Variants in SNX24 observed in about 807,000 individuals in gnomAD.
SNX24 encodes the protein sorting nexin-24.
A neutral mutation model predicts 28.7 loss-of-function variants in SNX24; 22 were observed. That is an observed-to-expected ratio of 0.77 (90% CI 0.55 to 1.10). The LOEUF (loss-of-function observed/expected upper bound fraction) is 1.10, where lower values mean the gene tolerates loss of function less well. SNX24 is among the 50% of genes least tolerant of loss of function. The pLI is 0.00. For missense variants in SNX24, 221 were observed against 201.1 expected (o/e 1.10, Z -0.60); for synonymous variants, 69 against 71.5 (o/e 0.96, Z 0.18).
chr5:122,899,413 TTTTA>T (rs1733155874), intron 1 of SNX24, among the ~76,000 whole-genome samples: 1 of 152,188 alleles, frequency 6.6e-6, no homozygotes, highest in Non-Finnish European at 1.5e-5. Context: ...ATATTTTTAT[TTTTA>T]TTTATTTTTT....
chr5:122,930,624 A>G (rs896593292), intron 1 of SNX24, among the ~76,000 whole-genome samples: 1 of 152,246 alleles, frequency 6.6e-6, no homozygotes, highest in African/African-American at 2.4e-5. Flanking sequence ...CCAGCTTAAG[A>G]AAGTTGGATT....
chr5:122,969,622 ATC>A (rs1422330146), intron 3 of SNX24, among the ~76,000 whole-genome samples: 3 of 152,020 alleles, frequency 2.0e-5, no homozygotes, highest in Admixed American at 2.0e-4. Context: ...TTCTTTTTTT[ATC>A]TCTCATACAC....
At chr5:122,996,590 T>C (rs1170894926) in intron 3 of SNX24, among the ~76,000 whole-genome samples, 1 of 152,196 alleles carries the variant, frequency 6.6e-6, no homozygotes. Context: ...ACAACAACAA[T>C]ACTCAAAGAA....
At chr5:122,899,688 C>A (rs1163070865) in intron 1 of SNX24, among the ~76,000 whole-genome samples, 1 of 152,080 alleles carries the variant, frequency 6.6e-6, no homozygotes, top group Admixed American at 6.5e-5. Flanking sequence ...AAATTACAGG[C>A]GCGAGGCACT....
At chr5:122,918,955 A>G (rs1379206938) in intron 1 of SNX24, among the ~76,000 whole-genome samples, 5 of 152,216 alleles carry the variant, frequency 3.3e-5, no homozygotes, top group Non-Finnish European at 7.3e-5. Flanking sequence ...TATAATCTGT[A>G]TGAAAATTTA....
intron 6 of SNX24, among the ~76,000 whole-genome samples, chr5:123,006,136 C>T (rs1295696067): frequency 4.6e-5 from 7 of 152,190 alleles, no homozygotes; most frequent in East Asian, 1.9e-4. Context: ...AAACAGAGGC[C>T]TCTCAATAAA....
intron 1 of SNX24, among the ~76,000 whole-genome samples, chr5:122,885,261 C>T (rs1756654774): frequency 6.6e-6 from 1 of 152,086 alleles, no homozygotes; most frequent in Non-Finnish European, 1.5e-5. Flanking sequence ...CCTGCCTCTC[C>T]TCCCCAAGCT....
chr5:122,969,529 C>A (rs767618940), intron 3 of SNX24, among the ~76,000 whole-genome samples: 1 of 152,146 alleles, frequency 6.6e-6, no homozygotes, highest in Non-Finnish European at 1.5e-5. Context: ...TATTTCCCGA[C>A]CCTTGCAGGA....
At position 122,999,772 on chromosome 5, in the gene SNX24, A is replaced by G. The variant is rs1288575523; in HGVS notation, c.250-140A>G. ...CCCGAATTCCTGGTGGGCAAAACAG[A>G]GACCACTCCTCATCTTGACTGTGAG... is the stretch of plus-strand genomic sequence containing the variant. On this transcript the variant is annotated intron_variant, in intron 3 of 6. Coordinates refer to ENST00000261369, the MANE Select transcript of SNX24 (RefSeq NM_014035.4). 1.6e-4 allele frequency: 107 copies of G among 667,412 alleles called. 1 individual carries two copies. In the East Asian group the frequency reaches 2.6e-3, roughly 16 times the overall value. The allele number at this position is 667,412 out of a possible 1,614,324, so 41.3% of individuals were successfully genotyped here. A position where few individuals can be genotyped will look rare whatever the true frequency, so the allele number is the denominator to read the frequency against.
At chr5:122,854,714 C>T (rs1363940804) in intron 1 of SNX24, among the ~76,000 whole-genome samples, 1 of 152,058 alleles carries the variant, frequency 6.6e-6, no homozygotes, top group African/African-American at 2.4e-5. Flanking sequence ...GATCACTGCA[C>T]AGGGACATAT....
intron 1 of SNX24, among the ~76,000 whole-genome samples, chr5:122,907,205 A>G (rs1435156468): frequency 6.6e-6 from 1 of 152,194 alleles, no homozygotes; most frequent in African/African-American, 2.4e-5. Context: ...TAAAATGAGT[A>G]TTTCATTTTT....
At chr5:123,014,108 G>T (rs1390807974), downstream of SNX24, among the ~76,000 whole-genome samples, 1 of 152,104 alleles carries the variant, frequency 6.6e-6, no homozygotes, top group East Asian at 1.9e-4. Context: ...CTTGACCAAG[G>T]ATACCAGTTA....
chr5:122,896,857 T>C (rs1461292792), intron 1 of SNX24, among the ~76,000 whole-genome samples: 1 of 152,222 alleles, frequency 6.6e-6, no homozygotes, highest in Non-Finnish European at 1.5e-5. Context: ...GTGACTCCCT[T>C]CAGCCAAACA....
chr5:122,916,625 TG>T (rs1758180330), intron 1 of SNX24, among the ~76,000 whole-genome samples: 1 of 152,346 alleles, frequency 6.6e-6, no homozygotes, highest in East Asian at 1.9e-4. Flanking sequence ...CCAAATTCTG[TG>T]TTTGTTACTT....
chr5:122,847,840 AG>A (rs1754712989), intron 1 of SNX24, among the ~76,000 whole-genome samples: 1 of 152,112 alleles, frequency 6.6e-6, no homozygotes, highest in South Asian at 2.1e-4. Context: ...GAGTTTGTGA[AG>A]CAGTTATTAG....
chr5:123,023,737 T>C, intron 5 of SNX24: 1 of 1,290,582 alleles, frequency 7.7e-7, no homozygotes, highest in Non-Finnish European at 1.0e-6. Context: ...TTTTTATAAC[T>C]TTCCTGTGAT....
chr5:122,918,691 A>G (rs577387103), intron 1 of SNX24, among the ~76,000 whole-genome samples: 1 of 152,336 alleles, frequency 6.6e-6, no homozygotes, highest in African/African-American at 2.4e-5. Context: ...TGATGATCTA[A>G]TTTAACATTC....
At chr5:122,947,564 G>T (rs1324429771) in intron 3 of SNX24, among the ~76,000 whole-genome samples, 1 of 152,054 alleles carries the variant, frequency 6.6e-6, no homozygotes, top group Non-Finnish European at 1.5e-5. Flanking sequence ...GTCTCTCTCT[G>T]GGGGTGAGAG....
At chr5:122,926,677 C>G (rs973755756) in intron 1 of SNX24, among the ~76,000 whole-genome samples, 7 of 152,072 alleles carry the variant, frequency 4.6e-5, no homozygotes, top group African/African-American at 1.7e-4. Context: ...TTGTTTGATT[C>G]CAAAGGCATC....
Sources: gnomAD v4.1 joint callset for allele counts (sites outside exome capture counted in the v4.1 genomes callset) on GRCh38, gnomAD v4.1.1 for gene constraint, MANE v1.5 for transcripts, NCBI Gene and HGNC (gene_info 2026-07-23, HGNC 2026-07-21) for gene names.